Variants in ABTB3 observed in about 807,000 individuals in gnomAD.
ABTB3 encodes ankyrin repeat- and BTB/POZ domain-containing protein 3.
the ABTB3 span, among the ~76,000 whole-genome samples, chr12:107,627,472 G>A: frequency 1.3e-5 from 2 of 152,334 alleles, no homozygotes; most frequent in South Asian, 2.1e-4. Flanking sequence ...AGGCCCAAGA[G>A]TGGGTCACCC....
At chr12:107,450,148 T>G in the ABTB3 span, among the ~76,000 whole-genome samples, 1 of 152,146 alleles carries the variant, frequency 6.6e-6, no homozygotes, top group Admixed American at 6.5e-5. Flanking sequence ...AGGCATTTCT[T>G]GGTGGTTACT....
the ABTB3 span, among the ~76,000 whole-genome samples, chr12:107,456,410 G>A: frequency 6.6e-6 from 1 of 152,198 alleles, no homozygotes; most frequent in African/African-American, 2.4e-5. Flanking sequence ...TAGATTCTCA[G>A]AGTGGCACGA....
chr12:107,498,190 T>G, the ABTB3 span, among the ~76,000 whole-genome samples: 1 of 152,228 alleles, frequency 6.6e-6, no homozygotes, highest in African/African-American at 2.4e-5. Context: ...CATTCTTTGG[T>G]CATCTCTTTA....
the ABTB3 span, among the ~76,000 whole-genome samples, chr12:107,614,500 A>G: frequency 6.6e-6 from 1 of 152,208 alleles, no homozygotes; most frequent in South Asian, 2.1e-4. Flanking sequence ...GTTTGCCACC[A>G]CTGAGAATCT....
At chr12:107,520,946 G>A in the ABTB3 span, among the ~76,000 whole-genome samples, 1 of 152,076 alleles carries the variant, frequency 6.6e-6, no homozygotes, top group East Asian at 1.9e-4. Flanking sequence ...TAGTTGCGGT[G>A]ATTCAATGAG....
the ABTB3 span, among the ~76,000 whole-genome samples, chr12:107,540,782 G>A: frequency 1.3e-5 from 2 of 151,960 alleles, no homozygotes; most frequent in South Asian, 2.1e-4. Context: ...CCAGAAGTTC[G>A]AGACCAGGCT....
At chr12:107,486,087 C>T in the ABTB3 span, among the ~76,000 whole-genome samples, 6 of 152,072 alleles carry the variant, frequency 3.9e-5, no homozygotes, top group African/African-American at 1.5e-4. Flanking sequence ...AATTTGGTCC[C>T]CAGTGTGACA....
At chr12:107,524,024 G>C in the ABTB3 span, among the ~76,000 whole-genome samples, 1 of 152,182 alleles carries the variant, frequency 6.6e-6, no homozygotes, top group Non-Finnish European at 1.5e-5. Context: ...TCTCTTCGAA[G>C]AAAGGATTTG....
the ABTB3 span, among the ~76,000 whole-genome samples, chr12:107,377,955 G>A: frequency 6.6e-6 from 1 of 152,326 alleles, no homozygotes; most frequent in South Asian, 2.1e-4. Context: ...CTCAAGAAGG[G>A]TGGGAAGAAG....
chr12:107,498,858 C>T, the ABTB3 span, among the ~76,000 whole-genome samples: 3 of 152,124 alleles, frequency 2.0e-5, no homozygotes, highest in East Asian at 3.9e-4. Flanking sequence ...TCTTTGGGGA[C>T]CATTATAATG....
At chr12:107,596,834 A>T in the ABTB3 span, among the ~76,000 whole-genome samples, 1 of 152,246 alleles carries the variant, frequency 6.6e-6, no homozygotes, top group South Asian at 2.1e-4. Flanking sequence ...CCTCACAATA[A>T]GAACAGAGTG....
the ABTB3 span, among the ~76,000 whole-genome samples, chr12:107,603,952 A>C: frequency 0.17 from 26,377 of 151,722 alleles, 2,847 homozygotes; most frequent in East Asian, 0.3. Flanking sequence ...GGCGGATCAC[A>C]AGGTCAGGAG....
At chr12:107,401,727 G>A in the ABTB3 span, among the ~76,000 whole-genome samples, 2 of 152,194 alleles carry the variant, frequency 1.3e-5, no homozygotes, top group Non-Finnish European at 2.9e-5. Context: ...TAATCTCCAT[G>A]TGGGGGAGAA....
At chr12:107,408,549 A>G in the ABTB3 span, among the ~76,000 whole-genome samples, 291 of 152,352 alleles carry the variant, frequency 1.9e-3, 1 homozygote, top group Non-Finnish European at 2.2e-3. Flanking sequence ...AGCACTTAGT[A>G]TCAGATACTC....
chr12:107,459,144 C>G, the ABTB3 span, among the ~76,000 whole-genome samples: 1 of 152,172 alleles, frequency 6.6e-6, no homozygotes, highest in Non-Finnish European at 1.5e-5. Flanking sequence ...CCCCCACAAC[C>G]CTATGGAGTA....
the ABTB3 span, among the ~76,000 whole-genome samples, chr12:107,621,464 G>A: frequency 6.6e-6 from 1 of 152,190 alleles, no homozygotes; most frequent in Non-Finnish European, 1.5e-5. Flanking sequence ...TCGTTTTGAG[G>A]TTTTGTTTGT....
chr12:107,344,937 A>C, the ABTB3 span, among the ~76,000 whole-genome samples: 3 of 152,336 alleles, frequency 2.0e-5, no homozygotes, highest in Admixed American at 2.0e-4. Flanking sequence ...AAAGGGCTCT[A>C]AAAGAAATTA....
At chr12:107,482,918 TTC>T in the ABTB3 span, among the ~76,000 whole-genome samples, 1 of 34,824 alleles carries the variant, frequency 2.9e-5, no homozygotes, top group African/African-American at 1.8e-4. Context: ...TTCTTCTTCT[TTC>T]TTTCTTTCTT....
chr12:107,363,780 G>A, the ABTB3 span, among the ~76,000 whole-genome samples: 2 of 152,154 alleles, frequency 1.3e-5, no homozygotes, highest in Non-Finnish European at 2.9e-5. Flanking sequence ...GGTATACTAA[G>A]AAATTGGAAG....
Sources: allele counts gnomAD v4.1 joint callset (sites outside exome capture counted in the v4.1 genomes callset), GRCh38; gene constraint gnomAD v4.1.1; transcripts MANE v1.5; gene names NCBI Gene and HGNC (gene_info 2026-07-23, HGNC 2026-07-21).